The following CACNA2D3 variants were observed in gnomAD, a reference collection of about 807,000 sequenced individuals.
CACNA2D3 encodes voltage-dependent calcium channel subunit alpha-2/delta-3.
CACNA2D3 carries 60 observed loss-of-function variants against 160.6 expected under a neutral mutation model. That is an observed-to-expected ratio of 0.37 (90% CI 0.30 to 0.46). The LOEUF is 0.46. CACNA2D3 is among the 20% of genes least tolerant of loss of function. The probability of loss-of-function intolerance (pLI) is 1.00; values close to 1 mark genes in which losing one functional copy is unlikely to be tolerated. For missense variants in CACNA2D3, 1,205 were observed against 1,365.0 expected, an observed-to-expected ratio of 0.88 and a Z score of 1.85; for synonymous variants, 558 against 492.9, an observed-to-expected ratio of 1.13 and a Z score of -1.75.
At chr3:54,772,420 A>G (rs985398074) in intron 13 of CACNA2D3, among the ~76,000 whole-genome samples, 4 of 152,032 alleles carry the variant, frequency 2.6e-5, no homozygotes, top group Non-Finnish European at 5.9e-5. Context: ...TTCAAGATAA[A>G]AGTTTAGCTG....
At chr3:54,669,127 A>G (rs1700116089) in intron 11 of CACNA2D3, among the ~76,000 whole-genome samples, 2 of 152,206 alleles carry the variant, frequency 1.3e-5, no homozygotes, top group Non-Finnish European at 2.9e-5. Flanking sequence ...GGCTAGCTTC[A>G]TGAGCATGCT....
At chr3:54,791,084 C>T (rs187894829) in intron 13 of CACNA2D3, among the ~76,000 whole-genome samples, 64 of 151,816 alleles carry the variant, frequency 4.2e-4, no homozygotes, top group Middle Eastern at 3.4e-3. Flanking sequence ...ATGGATGTTC[C>T]TCCAAGAAGA....
At chr3:54,764,561 G>A (rs1702182522) in intron 13 of CACNA2D3, among the ~76,000 whole-genome samples, 1 of 152,192 alleles carries the variant, frequency 6.6e-6, no homozygotes, top group Non-Finnish European at 1.5e-5. Context: ...CAGAAAGGTA[G>A]CTGGTCTGCA....
chr3:54,842,641 C>T (rs1388381854), intron 16 of CACNA2D3, among the ~76,000 whole-genome samples: 1 of 148,134 alleles, frequency 6.8e-6, no homozygotes, highest in Non-Finnish European at 1.5e-5. Flanking sequence ...GGCTCTGTCA[C>T]CCAGGCTGGA....
intron 2 of CACNA2D3, among the ~76,000 whole-genome samples, chr3:54,216,496 G>T (rs1408267765): frequency 6.6e-6 from 1 of 152,188 alleles, no homozygotes; most frequent in Non-Finnish European, 1.5e-5. Context: ...TCCACCAGGT[G>T]TGTTAGGGAT....
At chr3:54,544,001 A>C (rs979836377) in intron 5 of CACNA2D3, among the ~76,000 whole-genome samples, 2 of 152,158 alleles carry the variant, frequency 1.3e-5, no homozygotes, top group African/African-American at 4.8e-5. Context: ...TGTACTGTGT[A>C]GTTAGCTGCT....
chr3:54,885,131 C>T (rs1289332308), intron 21 of CACNA2D3, 150 bp from the exon 22 acceptor site: 31 of 703,830 alleles, frequency 4.4e-5, no homozygotes, highest in Non-Finnish European at 6.8e-5. Context: ...TTATTTTCCT[C>T]AGAAAATAAA....
chr3:54,271,764 G>T (rs1360639559), intron 2 of CACNA2D3, among the ~76,000 whole-genome samples: 3 of 152,186 alleles, frequency 2.0e-5, no homozygotes, highest in Non-Finnish European at 2.9e-5. Flanking sequence ...GCATGGTGGT[G>T]GAGGGCCTCT....
chr3:54,250,122 C>T (rs1242148539), intron 2 of CACNA2D3, among the ~76,000 whole-genome samples: 1 of 152,186 alleles, frequency 6.6e-6, no homozygotes, highest in Non-Finnish European at 1.5e-5. Flanking sequence ...TTTCTCTCCT[C>T]CTTGATTTCA....
At chr3:54,183,149 A>G (rs1005411824) in intron 2 of CACNA2D3, among the ~76,000 whole-genome samples, 1 of 152,098 alleles carries the variant, frequency 6.6e-6, no homozygotes, top group African/African-American at 2.4e-5. Context: ...AATAAAAACC[A>G]TCACAATTAC....
At chr3:55,013,058 C>A (rs918137678) in intron 34 of CACNA2D3, among the ~76,000 whole-genome samples, 1 of 152,212 alleles carries the variant, frequency 6.6e-6, no homozygotes, top group Non-Finnish European at 1.5e-5. Context: ...ACTCCCACTG[C>A]CAGACTGTGA....
At chr3:54,410,600 AT>A (rs1179425114) in intron 4 of CACNA2D3, among the ~76,000 whole-genome samples, 2 of 152,190 alleles carry the variant, frequency 1.3e-5, no homozygotes, top group Non-Finnish European at 2.9e-5. Flanking sequence ...TTTACTGAAT[AT>A]TTTAAGCCTA....
intron 2 of CACNA2D3, among the ~76,000 whole-genome samples, chr3:54,152,640 G>A (rs1389052634): frequency 6.6e-6 from 1 of 152,222 alleles, no homozygotes; most frequent in Non-Finnish European, 1.5e-5. Context: ...AAGGCAAAAT[G>A]AAACCACAGA....
chr3:54,403,758 G>T (rs1181019135), intron 4 of CACNA2D3, among the ~76,000 whole-genome samples: 4 of 151,994 alleles, frequency 2.6e-5, no homozygotes, highest in Non-Finnish European at 4.4e-5. Context: ...GCTAGACTAA[G>T]AAAAGAGAGA....
intron 32 of CACNA2D3, among the ~76,000 whole-genome samples, chr3:55,005,568 A>G (rs1703077567): frequency 2.0e-5 from 3 of 152,102 alleles, no homozygotes; most frequent in African/African-American, 7.2e-5. Flanking sequence ...TAATCATGCC[A>G]CTGGGTTTCA....
chr3:54,334,198 T>C (rs931408336), intron 3 of CACNA2D3, among the ~76,000 whole-genome samples: 4 of 151,950 alleles, frequency 2.6e-5, no homozygotes, highest in African/African-American at 9.7e-5. Flanking sequence ...GCAATTCTCA[T>C]GCCTCAGCCT....
At chr3:54,821,847 A>G (rs1575495473) in intron 14 of CACNA2D3, among the ~76,000 whole-genome samples, 1 of 151,884 alleles carries the variant, frequency 6.6e-6, no homozygotes, top group Admixed American at 6.6e-5. Flanking sequence ...ATCATTTATC[A>G]TTCTTTGCCT....
intron 2 of CACNA2D3, among the ~76,000 whole-genome samples, chr3:54,319,199 C>CACACAT (rs1291286123): frequency 0.046 from 6,870 of 149,176 alleles, 181 homozygotes; most frequent in South Asian, 0.07. Context: ...CACACACACA[C>CACACAT]ACCCTTCCTC....
Position 54,320,983 on chromosome 3 carries a change from T to C in CACNA2D3, c.321+425T>C, listed in dbSNP as rs149276123. Among the ~76,000 whole-genome samples, 14 of 152,344 alleles carry C rather than the reference T, an allele frequency of 9.2e-5. No homozygotes were observed. The East Asian group carries it at 2.5e-3, about 27-fold the overall frequency. On this transcript the variant is annotated intron_variant, in intron 3 of 37. Coordinates refer to ENST00000474759, the MANE Select transcript of CACNA2D3 (RefSeq NM_018398.3). ...ATTTCAGTCTATGAGTGTGTCATAA[T>C]TGATATAACTGTTCCTATATATTTG...
Sources: allele counts gnomAD v4.1 joint callset (sites outside exome capture counted in the v4.1 genomes callset), GRCh38; gene constraint gnomAD v4.1.1; transcripts MANE v1.5; gene names NCBI Gene and HGNC (gene_info 2026-07-23, HGNC 2026-07-21).